Variants in KAZN observed in about 807,000 individuals in gnomAD.
KAZN encodes the protein kazrin.
In KAZN, 40 loss-of-function variants were observed where a neutral mutation model predicts 87.4. That is an observed-to-expected ratio of 0.46 (90% CI 0.36 to 0.60). The LOEUF (loss-of-function observed/expected upper bound fraction) is 0.60, where lower values mean the gene tolerates loss of function less well. Ranked by LOEUF, KAZN falls within the 20% of genes least tolerant of loss-of-function variation. The pLI, the probability that KAZN is intolerant of heterozygous loss-of-function variation, is 0.00. For missense variants in KAZN, 898 were observed against 1,073.9 expected, an observed-to-expected ratio of 0.84 and a Z score of 2.29; for synonymous variants, 466 against 458.3, an observed-to-expected ratio of 1.02 and a Z score of -0.22.
Position 15,081,970 on chromosome 1 carries a change from G to A in KAZN, c.1223-12210G>A, listed in dbSNP as rs1350893756. 6.6e-6 allele frequency among the ~76,000 whole-genome samples: 1 copy of A among 152,170 alleles called. No homozygotes were observed. The highest frequency in any genetic ancestry group is 2.4e-5 in the African/African-American group (1 of 41,434). On this transcript the variant is annotated intron_variant, in intron 8 of 14. Coordinates refer to ENST00000376030, the MANE Select transcript of KAZN (RefSeq NM_201628.3). This position sits in a 1 kb window ranked among gnomAD's most constrained non-coding sequence, Gnocchi z 4.1. Reference sequence around the variant, plus strand: ...GGCTTGAAGAGGATGGAATGAAAGAGAAAGAGGGAGGTAGGGTGTTGAGAT... The same window carrying A: ...GGCTTGAAGAGGATGGAATGAAAGAAAAAGAGGGAGGTAGGGTGTTGAGAT...
chr1:13,901,252 C>T (rs1639239316), intron 1 of KAZN, among the ~76,000 whole-genome samples: 1 of 152,186 alleles, frequency 6.6e-6, no homozygotes, highest in African/African-American at 2.4e-5. Flanking sequence ...AACGTTCATT[C>T]TCAAGCATGT....
chr1:13,952,334 GATAATAATAATAATAATA>G lies in KAZN; in HGVS notation c.91+58606_91+58623del, dbSNP rs35005409. Among the ~76,000 whole-genome samples the G allele has an allele frequency of 1.6e-3, 233 of 143,046 alleles. 1 individual carries two copies. Among genetic ancestry groups the G allele is most frequent in the South Asian group, 2.4e-3 (10 of 4,246 alleles). 93.8% of individuals were successfully genotyped at this position (143,046 alleles called of 152,430 possible). ...CTTGGAGTCTTAGGTATAAAATGGA[GATAATAATAATAATAATA>G]ATAATAATAATAATAATAATAATAA... On this transcript the variant is annotated intron_variant, in intron 1 of 16. Transcript: ENST00000636203.
rs868764062 is a variant in KAZN, at chr1:14,036,819, G to A, written c.91+143063G>A. Among the ~76,000 whole-genome samples, 15 of 150,916 alleles carry A rather than the reference G, an allele frequency of 9.9e-5. No individual in the cohort carries two copies. The East Asian group carries it at 1.2e-3, about 12-fold the overall frequency. On this transcript the variant is annotated intron_variant, in intron 1 of 16. Coordinates refer to the KAZN transcript ENST00000636203. ...TTTTGAGATGGAGTCTCGCTCTGTCGCCCAGGCTGGAGTGCAGTGGTGCAA... is the reference window on the plus strand; with the variant it reads ...TTTTGAGATGGAGTCTCGCTCTGTCACCCAGGCTGGAGTGCAGTGGTGCAA...
intron 8 of KAZN, among the ~76,000 whole-genome samples, chr1:15,092,078 T>TA (rs1220689690): frequency 6.8e-6 from 1 of 147,224 alleles, no homozygotes; most frequent in African/African-American, 2.5e-5. Flanking sequence ...TTTTGATTTT[T>TA]TTTTTTTTTT....
intron 1 of KAZN, among the ~76,000 whole-genome samples, chr1:14,029,029 G>C (rs547944237): frequency 9.2e-5 from 14 of 151,602 alleles, no homozygotes; most frequent in Non-Finnish European, 1.9e-4. Flanking sequence ...TCTAATTCTA[G>C]ATCCCTGAGG....
At chr1:14,510,676 C>A (rs1032776764) in intron 2 of KAZN, among the ~76,000 whole-genome samples, 3 of 152,070 alleles carry the variant, frequency 2.0e-5, no homozygotes, top group African/African-American at 7.2e-5. Context: ...ATCCTGGCTG[C>A]TGTGTGTAAA....
chr1:14,222,661 T>C (rs1336513882), intron 2 of KAZN, among the ~76,000 whole-genome samples: 1 of 152,246 alleles, frequency 6.6e-6, no homozygotes, highest in Admixed American at 6.5e-5. Flanking sequence ...AATTAAAATA[T>C]AATTTGTGAA....
At chr1:14,704,739 C>A (rs998579645) in intron 1 of KAZN, among the ~76,000 whole-genome samples, 28 of 152,188 alleles carry the variant, frequency 1.8e-4, no homozygotes, top group Admixed American at 1.3e-4. Context: ...AGGAGGGAAC[C>A]TGTACAAATG....
intron 6 of KAZN, chr1:15,063,201 T>C (rs1638943520): frequency 4.6e-6 from 1 of 219,200 alleles, no homozygotes; most frequent in Non-Finnish European, 9.1e-6. Flanking sequence ...GTGCTTTTTC[T>C]ATAAAAGTAC....
intron 1 of KAZN, among the ~76,000 whole-genome samples, chr1:14,603,167 T>G (rs1308095785): frequency 2.0e-5 from 3 of 152,238 alleles, no homozygotes; most frequent in Non-Finnish European, 4.4e-5. Context: ...AAGTTCTGTC[T>G]TTTGGCATCC....
At chr1:14,326,752 G>A (rs1255510246) in intron 2 of KAZN, among the ~76,000 whole-genome samples, 2 of 152,088 alleles carry the variant, frequency 1.3e-5, no homozygotes, top group Non-Finnish European at 2.9e-5. Flanking sequence ...GCCACCTCAG[G>A]ACTTTGCACT....
At chr1:14,483,417 A>G (rs999059424) in intron 2 of KAZN, among the ~76,000 whole-genome samples, 4 of 152,222 alleles carry the variant, frequency 2.6e-5, no homozygotes, top group Non-Finnish European at 4.4e-5. Flanking sequence ...TAAGACATGA[A>G]TCAATCCAAG....
chr1:14,767,919 A>G (rs77899947), intron 1 of KAZN, among the ~76,000 whole-genome samples: 1 of 152,164 alleles, frequency 6.6e-6, no homozygotes, highest in Admixed American at 6.5e-5. Flanking sequence ...ATTCCAGAGA[A>G]TATTACCGAG....
intron 1 of KAZN, among the ~76,000 whole-genome samples, chr1:13,976,934 C>T (rs1340176292): frequency 6.6e-6 from 1 of 152,188 alleles, no homozygotes. Context: ...GAATCCTTTT[C>T]ATGAACCACA....
chr1:14,540,288 C>T (rs1003626038), intron 2 of KAZN, among the ~76,000 whole-genome samples: 1 of 152,180 alleles, frequency 6.6e-6, no homozygotes, highest in African/African-American at 2.4e-5. Flanking sequence ...ATGTTGAATA[C>T]CCCTGCAGTT....
At chr1:13,937,355 A>C (rs1443082796) in intron 1 of KAZN, among the ~76,000 whole-genome samples, 1 of 152,044 alleles carries the variant, frequency 6.6e-6, no homozygotes, top group East Asian at 1.9e-4. Flanking sequence ...TCCTTTGCCC[A>C]CTTTTTAATG....
intron 1 of KAZN, among the ~76,000 whole-genome samples, chr1:14,796,470 T>C (rs12086407): frequency 0.016 from 2,390 of 152,320 alleles, 38 homozygotes; most frequent in African/African-American, 0.039. Flanking sequence ...CAGCTCTGAT[T>C]CCCAGTCTCT....
intron 8 of KAZN, 50 bp downstream of exon 8, chr1:15,065,803 G>T (rs779925271): frequency 1.3e-6 from 2 of 1,597,510 alleles, no homozygotes; most frequent in Admixed American, 1.7e-5. Flanking sequence ...GGTGATACGC[G>T]CTCCCCTGCG....
At chr1:13,916,316 C>T (rs1031695035) in intron 1 of KAZN, among the ~76,000 whole-genome samples, 10 of 152,134 alleles carry the variant, frequency 6.6e-5, no homozygotes, top group African/African-American at 1.9e-4. Flanking sequence ...CAGGAGTCAC[C>T]TCTGATTATG....
Sources: gnomAD v4.1 joint callset for allele counts (sites outside exome capture counted in the v4.1 genomes callset) on GRCh38, gnomAD v4.1.1 for gene constraint, Gnocchi (gnomAD v3.1) non-coding constraint, MANE v1.5 for transcripts, NCBI Gene and HGNC (gene_info 2026-07-23, HGNC 2026-07-21) for gene names.